The following ERFE variants were observed in gnomAD, a reference collection of about 807,000 sequenced individuals.
ERFE encodes the protein erythroferrone.
A neutral mutation model predicts 26.6 loss-of-function variants in ERFE; 25 were observed. The observed-to-expected ratio is 0.94, with a 90% confidence interval of 0.69 to 1.31. The LOEUF (loss-of-function observed/expected upper bound fraction) is 1.31. ERFE is among the 40% of genes most tolerant of loss of function. The pLI, the probability that ERFE is intolerant of heterozygous loss-of-function variation, is 0.00. For synonymous variants in ERFE, 206 were observed against 204.5 expected (o/e 1.01, Z -0.06); for missense variants, 447 against 440.2 (o/e 1.02, Z -0.14).
At position 238,162,631 on chromosome 2, in the gene ERFE, T is replaced by C. The variant is rs946767368; in HGVS notation, c.322-105T>C. The C allele has an allele frequency of 2.8e-5, 21 of 753,648 alleles. No homozygotes were observed. The African/African-American group carries it at 3.3e-4, about 12-fold the overall frequency. 46.7% of individuals were successfully genotyped at this position (753,648 alleles called of 1,614,324 possible). ...TCCTTGGCTGGAGGTTGGAGCCCAC[T>C]GGGGAGCTCTGTTGCCTGCCTCTTA... On this transcript the variant is annotated intron_variant, in intron 2 of 7. Coordinates refer to ENST00000546354, the MANE Select transcript of ERFE (RefSeq NM_001291832.2).
Position 238,164,102 on chromosome 2 carries a change from G to A in ERFE, c.715G>A (p.Gly239Ser). Residue 239 changes from glycine to serine, a missense_variant, in exon 5 of 8, where the codon GGC (glycine) becomes AGC (serine). Gly to Ser is a moderately conservative substitution (Grantham distance 56, BLOSUM62 0). Transcript: ENST00000546354. ...CGACGCCGAGGGTGCCTTCCGCCGC[G>A]GCCCGGGCCTGAACTTGACCAGCGG... ...LPDAEGAFRR[G>S]PGLNLTSGQY... is the part of the protein sequence containing the mutation. The A allele has an allele frequency of 1.4e-6, 2 of 1,433,212 alleles. No homozygotes were observed. The highest frequency in any genetic ancestry group is 1.8e-6 in the Non-Finnish European group (2 of 1,096,228). The allele number at this position is 1,433,212 out of a possible 1,614,324, so 88.8% of individuals were successfully genotyped here.
At chr2:238,163,630 C>A in intron 3 of ERFE, 107 bp from the exon 4 acceptor site, 1 of 1,200,356 alleles carries the variant, frequency 8.3e-7, no homozygotes, top group Non-Finnish European at 1.0e-6. Flanking sequence ...CCCACCCCTG[C>A]GCCCGGCAGG....
chr2:238,164,879 A>C (rs543854283), intron 6 of ERFE, among the ~76,000 whole-genome samples: 1 of 151,868 alleles, frequency 6.6e-6, no homozygotes, highest in African/African-American at 2.4e-5. Context: ...AACAAAAAAA[A>C]ACCTTTCCAG....
intron 1 of ERFE, among the ~76,000 whole-genome samples, 183 bp downstream of exon 1, chr2:238,159,388 G>A (rs1225504575): frequency 6.6e-6 from 1 of 152,084 alleles, no homozygotes; most frequent in Non-Finnish European, 1.5e-5. Flanking sequence ...CAGCCCGGCG[G>A]GGCAGCCTTG....
rs1337200251 is a variant in ERFE, at chr2:238,164,107, G to A, written c.720G>A (p.Pro240=). The A allele has an allele frequency of 1.4e-6, 2 of 1,438,648 alleles. No homozygotes were observed. Among genetic ancestry groups the A allele is most frequent in the African/African-American group, 1.5e-5 (1 of 67,040 alleles). 89.1% of individuals were successfully genotyped at this position (1,438,648 alleles called of 1,614,324 possible). Residue 240 remains proline, a synonymous_variant, in exon 5 of 8, where the codon CCG becomes CCA. Transcript: ENST00000546354. ...CCGAGGGTGCCTTCCGCCGCGGCCCGGGCCTGAACTTGACCAGCGGCCAGT... is the reference window on the plus strand; with the variant it reads ...CCGAGGGTGCCTTCCGCCGCGGCCCAGGCCTGAACTTGACCAGCGGCCAGT... ...PDAEGAFRRG[P]GLNLTSGQYR... is the part of the protein sequence containing the mutation.
intron 7 of ERFE, 124 bp from the exon 8 acceptor site, chr2:238,166,832 C>G: frequency 1.3e-6 from 1 of 789,598 alleles, no homozygotes; most frequent in Non-Finnish European, 2.0e-6. Context: ...ACATTCTTCT[C>G]TGGGCCTGAG....
In ERFE at chr2:238,168,203, C is replaced by T. The variant is rs1034176767; in HGVS notation, c.*1149C>T. 5.7e-6 allele frequency: 2 copies of T among 348,432 alleles called. No homozygotes were observed. The highest frequency in any genetic ancestry group is 8.4e-5 in the Admixed American group (2 of 23,750). 21.6% of individuals were successfully genotyped at this position (348,432 alleles called of 1,614,324 possible). On this transcript the variant is annotated 3_prime_UTR_variant, in exon 8 of 8. Transcript: ENST00000546354. ...ATGGGGACGGCAGCTCTCATGAGGACACACAGGCTGTGAGCCCGCAGCCTC... is the reference window on the plus strand; with the variant it reads ...ATGGGGACGGCAGCTCTCATGAGGATACACAGGCTGTGAGCCCGCAGCCTC...
chr2:238,163,349 C>A (rs1316255508), intron 3 of ERFE, among the ~76,000 whole-genome samples: 1 of 152,198 alleles, frequency 6.6e-6, no homozygotes, highest in East Asian at 1.9e-4. Flanking sequence ...TAGAATTGAG[C>A]CGTTTTTTCC....
At chr2:238,162,626 C>G in intron 2 of ERFE, 110 bp from the exon 3 acceptor site, 1 of 731,818 alleles carries the variant, frequency 1.4e-6, no homozygotes, top group South Asian at 1.5e-5. Context: ...GAGGTTGGAG[C>G]CCACTGGGGA....
Position 238,163,967 on chromosome 2 carries a change from C to T in ERFE, c.655C>T (p.Arg219Cys), listed in dbSNP as rs1043444955. 11 of 1,385,028 alleles carry T rather than the reference C, an allele frequency of 7.9e-6. No homozygotes were observed. In the African/African-American group the frequency reaches 1.1e-4, roughly 13 times the overall value. 85.8% of individuals were successfully genotyped at this position (1,385,028 alleles called of 1,614,324 possible). Residue 219 changes from arginine to cysteine, a missense_variant, in exon 4 of 8, where the codon CGC becomes TGC. Arg to Cys is a radical substitution (Grantham distance 180, BLOSUM62 -3). Transcript: ENST00000546354. ...GCGCCGGGACGCGTTGGTGGAGCGG[C>T]GCGCGCTGCACGAGCTTGGCGTCTA... ...RLRRDALVER[R>C]ALHELGVYYL...
chr2:238,164,534 C>T (rs1389833136), intron 6 of ERFE, 174 bp downstream of exon 6: 5 of 615,746 alleles, frequency 8.1e-6, no homozygotes, highest in South Asian at 2.0e-5. Context: ...TCAGGCCTTC[C>T]CTTCACAGCA....
intron 1 of ERFE, among the ~76,000 whole-genome samples, chr2:238,159,842 G>C (rs1041862067): frequency 3.3e-5 from 5 of 152,214 alleles, no homozygotes; most frequent in African/African-American, 1.2e-4. Flanking sequence ...CAGTGTGGCC[G>C]GGCCTTGGGT....
chr2:238,164,193 G>A lies in ERFE; in HGVS notation c.796+10G>A, dbSNP rs764194450. 133 of 1,431,778 alleles carry A rather than the reference G, an allele frequency of 9.3e-5. No homozygotes were observed. The African/African-American group carries it at 1.5e-3, about 17-fold the overall frequency. The allele number at this position is 1,431,778 out of a possible 1,614,324, so 88.7% of individuals were successfully genotyped here. On this transcript the variant is annotated intron_variant, in intron 5 of 7. Transcript: ENST00000546354. ...GCCACGCTGCACGTGGGTGAGGCCCGGGGCGTGGGAGGATCGCCCGCTCTG... is the reference window on the plus strand; with the variant it reads ...GCCACGCTGCACGTGGGTGAGGCCCAGGGCGTGGGAGGATCGCCCGCTCTG...
At chr2:238,164,533 C>G (rs986160035) in intron 6 of ERFE, 173 bp downstream of exon 6, 22 of 615,374 alleles carry the variant, frequency 3.6e-5, no homozygotes, top group Admixed American at 9.2e-5. Flanking sequence ...ATCAGGCCTT[C>G]CCTTCACAGC....
chr2:238,166,639 G>T (rs1306757367), intron 7 of ERFE, among the ~76,000 whole-genome samples: 1 of 152,246 alleles, frequency 6.6e-6, no homozygotes. Context: ...ACCTGACTTG[G>T]AGCCCTTGCA....
In ERFE at chr2:238,164,103, G is replaced by A; in HGVS notation, c.716G>A (p.Gly239Asp). Residue 239 changes from glycine to aspartate, a missense_variant, in exon 5 of 8, where the codon GGC becomes GAC. Transcript: ENST00000546354. The stretch of plus-strand genomic sequence containing the variant: ...GACGCCGAGGGTGCCTTCCGCCGCG[G>A]CCCGGGCCTGAACTTGACCAGCGGC... ...LPDAEGAFRR[G>D]PGLNLTSGQY... The A allele has an allele frequency of 1.4e-6, 2 of 1,437,548 alleles. No individual in the cohort carries two copies. The highest frequency in any genetic ancestry group is 1.8e-6 in the Non-Finnish European group (2 of 1,098,562). 89.0% of individuals were successfully genotyped at this position (1,437,548 alleles called of 1,614,324 possible). A position where few individuals can be genotyped will look rare whatever the true frequency, so the allele number is the denominator to read the frequency against.
chr2:238,159,017 G>C lies in ERFE; in HGVS notation c.10G>C (p.Ala4Pro), dbSNP rs1574766063. Reference sequence around the variant, plus strand: ...GGGAACCGCCGCCCGCATGGCCCCGGCCCGCCGCCCCGCCGGAGCCCGCCT... The same window carrying C: ...GGGAACCGCCGCCCGCATGGCCCCGCCCCGCCGCCCCGCCGGAGCCCGCCT... Reference protein sequence around the residue: MAPARRPAGARLLL... With the variant: MAPPRRPAGARLLL... The change falls in exon 1 of 8, where the codon GCC becomes CCC. Residue 4 changes from alanine to proline, a missense_variant. By Grantham distance (27) the Ala-to-Pro change is conservative. Coordinates refer to ENST00000546354, the MANE Select transcript of ERFE (RefSeq NM_001291832.2). 1 of 256,838 alleles carries C rather than the reference G, an allele frequency of 3.9e-6. No individual in the cohort carries two copies. The highest frequency in any genetic ancestry group is 2.3e-5 in the African/African-American group (1 of 43,624). 15.9% of individuals were successfully genotyped at this position (256,838 alleles called of 1,614,324 possible).
intron 1 of ERFE, among the ~76,000 whole-genome samples, chr2:238,160,840 C>G (rs1692927491): frequency 6.6e-6 from 1 of 152,232 alleles, no homozygotes; most frequent in Admixed American, 6.5e-5. Flanking sequence ...TCCTTCCCAG[C>G]TGGCAGCCTT....
At chr2:238,165,876 T>C (rs1176669376) in intron 7 of ERFE, among the ~76,000 whole-genome samples, 192 bp downstream of exon 7, 1 of 152,212 alleles carries the variant, frequency 6.6e-6, no homozygotes, top group Admixed American at 6.5e-5. Context: ...CTTCAAGTCC[T>C]GATCTCCTTC....
Sources: gnomAD v4.1 joint callset for allele counts (sites outside exome capture counted in the v4.1 genomes callset) on GRCh38, gnomAD v4.1.1 for gene constraint, MANE v1.5 for transcripts, NCBI Gene and HGNC (gene_info 2026-07-23, HGNC 2026-07-21) for gene names.